The following PHACTR3 variants were observed in gnomAD, a reference collection of about 807,000 sequenced individuals.
PHACTR3 encodes phosphatase and actin regulator 3.
A neutral mutation model predicts 66.8 loss-of-function variants in PHACTR3; 16 were observed. That is an observed-to-expected ratio of 0.24 (90% confidence interval 0.16 to 0.36). The LOEUF (loss-of-function observed/expected upper bound fraction) is 0.36. Ranked by LOEUF, PHACTR3 falls within the 10% of genes least tolerant of loss-of-function variation. The pLI is 1.00. For synonymous variants in PHACTR3, 323 were observed against 292.1 expected, an observed-to-expected ratio of 1.11 and a Z score of -1.08; for missense variants, 647 against 719.9, an observed-to-expected ratio of 0.90 and a Z score of 1.16.
chr20:59,678,535 T>C (rs961359096), intron 1 of PHACTR3, among the ~76,000 whole-genome samples: 1 of 152,190 alleles, frequency 6.6e-6, no homozygotes, highest in East Asian at 1.9e-4. Context: ...TCCGAAGCTC[T>C]TGGTGCTGAG....
At chr20:59,616,064 G>A (rs2034014297) in intron 1 of PHACTR3, among the ~76,000 whole-genome samples, 1 of 152,182 alleles carries the variant, frequency 6.6e-6, no homozygotes, top group South Asian at 2.1e-4. Context: ...TCTGGTGTCA[G>A]ACTGCCTGGG....
In PHACTR3 at chr20:59,604,905, T is replaced by G; in HGVS notation, c.-110T>G. On this transcript the variant is annotated 5_prime_UTR_variant, in exon 1 of 13. Transcript: ENST00000371015. ...TTTTTTTTTTTTTTTTTTTTAATTT[T>G]CTTTTTTAAAAAGACGCCCCCTCCA... is the stretch of plus-strand genomic sequence containing the variant. 1 of 1,120,380 alleles carries G rather than the reference T, an allele frequency of 8.9e-7. No homozygotes were observed. The highest frequency in any genetic ancestry group is 1.1e-6 in the Non-Finnish European group (1 of 916,166). 69.4% of individuals were successfully genotyped at this position (1,120,380 alleles called of 1,614,324 possible).
intron 7 of PHACTR3, among the ~76,000 whole-genome samples, chr20:59,776,045 A>C (rs1182490): frequency 0.61 from 92,985 of 152,094 alleles, 30,217 homozygotes; most frequent in Non-Finnish European, 0.71. Context: ...AATCACTGGC[A>C]TAGTCTGTGC....
chr20:59,646,241 G>T (rs2035278096), intron 1 of PHACTR3, among the ~76,000 whole-genome samples: 1 of 152,166 alleles, frequency 6.6e-6, no homozygotes, highest in South Asian at 2.1e-4. Context: ...TGCCAGAGCT[G>T]GGCTCACTCT....
At chr20:59,615,198 C>G (rs993289226) in intron 1 of PHACTR3, among the ~76,000 whole-genome samples, 7 of 152,068 alleles carry the variant, frequency 4.6e-5, no homozygotes, top group African/African-American at 9.7e-5. Context: ...TGGTAATACA[C>G]AGAAATATGC....
intron 8 of PHACTR3, among the ~76,000 whole-genome samples, chr20:59,818,544 T>G (rs2041945619): frequency 6.6e-6 from 1 of 152,218 alleles, no homozygotes; most frequent in African/African-American, 2.4e-5. Flanking sequence ...GCACAATCGA[T>G]TTTAAGATAT....
intron 1 of PHACTR3, among the ~76,000 whole-genome samples, chr20:59,704,296 A>G (rs1158367146): frequency 6.6e-6 from 1 of 152,142 alleles, no homozygotes; most frequent in Non-Finnish European, 1.5e-5. Context: ...TTGCTATGGT[A>G]TGTTTTCATG....
At chr20:59,643,185 A>G (rs986532012) in intron 1 of PHACTR3, among the ~76,000 whole-genome samples, 1 of 152,224 alleles carries the variant, frequency 6.6e-6, no homozygotes, top group African/African-American at 2.4e-5. Flanking sequence ...TGCTGGGATT[A>G]CAGGCGTGAG....
intron 7 of PHACTR3, among the ~76,000 whole-genome samples, chr20:59,785,973 C>T (rs2040901124): frequency 6.6e-6 from 1 of 152,218 alleles, no homozygotes; most frequent in South Asian, 2.1e-4. Flanking sequence ...CTAGACTTTT[C>T]TGTTTATTTG....
At chr20:59,625,236 T>C (rs936266637) in intron 1 of PHACTR3, among the ~76,000 whole-genome samples, 1 of 152,024 alleles carries the variant, frequency 6.6e-6, no homozygotes, top group Admixed American at 6.5e-5. Flanking sequence ...TGGAATCTGA[T>C]AGCTAGAGGC....
chr20:59,723,693 T>TTCTCACCTCCTTGCC (rs2038439320), intron 1 of PHACTR3, among the ~76,000 whole-genome samples: 1 of 152,014 alleles, frequency 6.6e-6, no homozygotes, highest in African/African-American at 2.4e-5. Context: ...GGTGACTCGG[T>TTCTCACCTCCTTGCC]CATTGGGGTC....
intron 2 of PHACTR3, 92 bp from the exon 3 acceptor site, chr20:59,747,666 C>T (rs972043458): frequency 1.4e-6 from 2 of 1,455,496 alleles, no homozygotes; most frequent in Non-Finnish European, 1.9e-6. Flanking sequence ...TGTTTTTGGT[C>T]TGTAAACTTG....
At position 59,662,482 on chromosome 20, in the gene PHACTR3, A is replaced by C. The variant is rs1194749338; in HGVS notation, c.118+57350A>C. 2.6e-5 allele frequency among the ~76,000 whole-genome samples: 4 copies of C among 152,032 alleles called. No homozygotes were observed. The South Asian group carries it at 8.3e-4, about 32-fold the overall frequency. On this transcript the variant is annotated intron_variant, in intron 1 of 12. Coordinates refer to ENST00000371015, the MANE Select transcript of PHACTR3 (RefSeq NM_080672.5). Reference sequence around the variant, plus strand: ...GAGAGCAGGATGTATGGACCAACGAAAGGCCCATGAGTCTGGAAGGTGGGG... The same window carrying C: ...GAGAGCAGGATGTATGGACCAACGACAGGCCCATGAGTCTGGAAGGTGGGG...
At chr20:59,625,098 T>C (rs1161673143) in intron 1 of PHACTR3, among the ~76,000 whole-genome samples, 3 of 152,128 alleles carry the variant, frequency 2.0e-5, no homozygotes, top group Non-Finnish European at 4.4e-5. Flanking sequence ...TTCTGTAGAA[T>C]GTCCTTCAAT....
intron 7 of PHACTR3, among the ~76,000 whole-genome samples, chr20:59,776,967 C>G (rs4812131): frequency 0.072 from 11,012 of 152,252 alleles, 938 homozygotes; most frequent in East Asian, 0.42. Flanking sequence ...AACACCTTAT[C>G]ATCTGCTGGG....
chr20:59,702,689 A>G (rs924405859), intron 1 of PHACTR3, among the ~76,000 whole-genome samples: 1 of 152,234 alleles, frequency 6.6e-6, no homozygotes, highest in African/African-American at 2.4e-5. Flanking sequence ...GGGGCCTCAC[A>G]GAATATTTGC....
At chr20:59,653,569 A>G (rs933577051) in intron 1 of PHACTR3, among the ~76,000 whole-genome samples, 1 of 152,176 alleles carries the variant, frequency 6.6e-6, no homozygotes, top group Non-Finnish European at 1.5e-5. Context: ...GGATGCTAGC[A>G]TATGTAAATA....
At chr20:59,624,305 T>C (rs2034368797) in intron 1 of PHACTR3, among the ~76,000 whole-genome samples, 1 of 152,266 alleles carries the variant, frequency 6.6e-6, no homozygotes, top group South Asian at 2.1e-4. Context: ...CTGCTCCCTG[T>C]TGGGGTCTCT....
chr20:59,799,815 G>A (rs1006480087), intron 7 of PHACTR3, among the ~76,000 whole-genome samples: 13 of 151,960 alleles, frequency 8.6e-5, no homozygotes, highest in Admixed American at 6.5e-4. Flanking sequence ...TATTTTATTA[G>A]GTTTAACTCT....
Sources: gnomAD v4.1 joint callset for allele counts (sites outside exome capture counted in the v4.1 genomes callset) on GRCh38, gnomAD v4.1.1 for gene constraint, MANE v1.5 for transcripts, NCBI Gene and HGNC (gene_info 2026-07-23, HGNC 2026-07-21) for gene names.